BMPR2: variants seen among roughly 807,000 people sequenced by gnomAD.
BMPR2 encodes bone morphogenetic protein receptor type 2, also known as bone morphogenetic protein receptor type-2.
In BMPR2, 29 loss-of-function variants were observed where a neutral mutation model predicts 100.8. The observed-to-expected ratio is 0.29, with a 90% confidence interval of 0.21 to 0.39. The LOEUF is 0.39. Ranked by LOEUF, BMPR2 falls within the 10% of genes least tolerant of loss-of-function variation. The probability of loss-of-function intolerance (pLI) is 1.00; values close to 1 mark genes in which losing one functional copy is unlikely to be tolerated. For missense variants in BMPR2, 1,011 were observed against 1,274.5 expected (o/e 0.79, Z 3.15); for synonymous variants, 382 against 442.3 (o/e 0.86, Z 1.71).
intron 7 of BMPR2, among the ~76,000 whole-genome samples, chr2:202,526,459 T>C (rs1559065231): frequency 6.6e-6 from 1 of 152,262 alleles, no homozygotes; most frequent in East Asian, 1.9e-4. Flanking sequence ...TTCTCCTGAA[T>C]AATTTATCCG....
intron 3 of BMPR2, among the ~76,000 whole-genome samples, chr2:202,471,438 G>T (rs930523114): frequency 6.6e-6 from 1 of 152,132 alleles, no homozygotes; most frequent in South Asian, 2.1e-4. Flanking sequence ...GGGAAAAATG[G>T]ACACCTTGAC....
At chr2:202,403,168 T>TCCCTCCCCTTC (rs1166780995) in intron 1 of BMPR2, among the ~76,000 whole-genome samples, 1 of 145,246 alleles carries the variant, frequency 6.9e-6, no homozygotes, top group African/African-American at 2.6e-5. Flanking sequence ...ATGAACCCTC[T>TCCCTCCCCTTC]CCCTCCCCTT....
rs570235027 is a variant in BMPR2, at chr2:202,497,893, A to G, written c.419-15826A>G. Among the ~76,000 whole-genome samples the G allele has an allele frequency of 2.6e-5, 4 of 152,266 alleles. No individual in the cohort carries two copies. In the East Asian group the frequency reaches 7.7e-4, roughly 29 times the overall value. On this transcript the variant is annotated intron_variant, in intron 3 of 12. Transcript: ENST00000374580. Reference sequence around the variant, plus strand: ...CTGGGCTCACCAATCAGAAAGACATAATTTTTGCCCAAAGCCCTGTCACAG... The same window carrying G: ...CTGGGCTCACCAATCAGAAAGACATGATTTTTGCCCAAAGCCCTGTCACAG...
At chr2:202,548,689 C>CT (rs928377744) in intron 10 of BMPR2, among the ~76,000 whole-genome samples, 8 of 151,886 alleles carry the variant, frequency 5.3e-5, no homozygotes, top group Non-Finnish European at 1.0e-4. Flanking sequence ...ATCTTTTCTA[C>CT]TTTTTTTTCC....
chr2:202,435,039 A>T (rs1691586275), intron 1 of BMPR2, among the ~76,000 whole-genome samples: 1 of 144,108 alleles, frequency 6.9e-6, no homozygotes, highest in African/African-American at 2.7e-5. Context: ...ACATGGTGAG[A>T]CCCCTTCTCT....
chr2:202,530,995 A>T (rs1458666230), intron 8 of BMPR2, 41 bp downstream of exon 8: 1 of 1,610,218 alleles, frequency 6.2e-7, no homozygotes. Flanking sequence ...GTACTTTGAA[A>T]TGATAATTTA....
intron 12 of BMPR2, among the ~76,000 whole-genome samples, chr2:202,558,892 C>CAAA (rs538329842): frequency 1.5e-4 from 12 of 81,466 alleles, no homozygotes; most frequent in Non-Finnish European, 1.6e-4. Context: ...AACTCCATCT[C>CAAA]AAAAAAAAAA....
intron 3 of BMPR2, among the ~76,000 whole-genome samples, chr2:202,487,574 A>G (rs1692804150): frequency 1.3e-5 from 2 of 152,204 alleles, no homozygotes. Flanking sequence ...CACTGCTATA[A>G]AGTCAAGTGT....
rs141666309 is a variant in BMPR2 at position 202,486,384 on chromosome 2, T to C, written c.418+18695T>C. ...TGGCTCACGCTTGTAATCCCAGCAC[T>C]TTGGTGGGGCAAGGCAAGCGGATCA... On this transcript the variant is annotated intron_variant, in intron 3 of 12. Transcript: ENST00000374580. Among the ~76,000 whole-genome samples the C allele has an allele frequency of 7.7e-3, 1,165 of 152,246 alleles. 7 individuals carry two copies. Among genetic ancestry groups the C allele is most frequent in the South Asian group, 0.025 (119 of 4,822 alleles).
chr2:202,430,243 G>C (rs1028238643), intron 1 of BMPR2, among the ~76,000 whole-genome samples: 5 of 152,132 alleles, frequency 3.3e-5, no homozygotes, highest in Admixed American at 2.6e-4. Context: ...TCACACTGAG[G>C]GGGGATAGGG....
intron 1 of BMPR2, among the ~76,000 whole-genome samples, chr2:202,392,658 C>CTT (rs1357107459): frequency 2.0e-5 from 3 of 152,086 alleles, no homozygotes; most frequent in Non-Finnish European, 4.4e-5. Flanking sequence ...TTAAAAATGT[C>CTT]TAAGAGCTGT....
At chr2:202,424,307 G>T (rs889857296) in intron 1 of BMPR2, among the ~76,000 whole-genome samples, 42 of 152,272 alleles carry the variant, frequency 2.8e-4, no homozygotes, top group African/African-American at 9.9e-4. Flanking sequence ...CCAGGAGGTG[G>T]AGGTTGCAGT....
At chr2:202,527,241 A>G (rs1687930863) in intron 7 of BMPR2, among the ~76,000 whole-genome samples, 1 of 152,210 alleles carries the variant, frequency 6.6e-6, no homozygotes, top group Non-Finnish European at 1.5e-5. Flanking sequence ...TAATCCCAGC[A>G]CTTTGGGAGG....
At chr2:202,549,319 T>C (rs1460916573) in intron 10 of BMPR2, among the ~76,000 whole-genome samples, 1 of 152,182 alleles carries the variant, frequency 6.6e-6, no homozygotes, top group Non-Finnish European at 1.5e-5. Flanking sequence ...ATGCATATGA[T>C]ACAGTTTGTT....
At chr2:202,553,831 G>T (rs867391910) in intron 11 of BMPR2, among the ~76,000 whole-genome samples, 3 of 152,146 alleles carry the variant, frequency 2.0e-5, no homozygotes, top group African/African-American at 7.2e-5. Flanking sequence ...TGAGATTACA[G>T]TCACGAGCCA....
At chr2:202,381,148 T>A (rs370385844) in intron 1 of BMPR2, among the ~76,000 whole-genome samples, 6 of 151,914 alleles carry the variant, frequency 3.9e-5, no homozygotes, top group African/African-American at 1.2e-4. Context: ...CTAATTTTTG[T>A]ATTTTTAGTA....
intron 3 of BMPR2, among the ~76,000 whole-genome samples, chr2:202,470,139 C>G (rs928274679): frequency 4.0e-5 from 6 of 151,600 alleles, no homozygotes; most frequent in Non-Finnish European, 7.4e-5. Context: ...GTAAAGAGAT[C>G]AAGACCATCC....
chr2:202,421,881 C>T (rs1014975989), intron 1 of BMPR2, among the ~76,000 whole-genome samples: 1 of 152,006 alleles, frequency 6.6e-6, no homozygotes, highest in Admixed American at 6.6e-5. Flanking sequence ...GAGTAAATAA[C>T]ATGTAATGTC....
intron 1 of BMPR2, among the ~76,000 whole-genome samples, chr2:202,446,968 A>G (rs868343460): frequency 6.7e-6 from 1 of 149,114 alleles, no homozygotes; most frequent in Non-Finnish European, 1.5e-5. Flanking sequence ...TTAAAAATGC[A>G]GTTACATTAT....
Sources: gnomAD v4.1 joint callset for allele counts (sites outside exome capture counted in the v4.1 genomes callset) on GRCh38, gnomAD v4.1.1 for gene constraint, MANE v1.5 for transcripts, NCBI Gene and HGNC (gene_info 2026-07-23, HGNC 2026-07-21) for gene names.